The following AP1G1 variants were observed in gnomAD, a reference collection of about 807,000 sequenced individuals.
AP1G1 encodes the protein AP-1 complex subunit gamma-1.
Under a neutral mutation model 108.3 loss-of-function variants are expected in AP1G1, and 7 were observed. The ratio of observed to expected loss-of-function variants is 0.06; its 90% CI spans 0.04 to 0.12. The LOEUF is 0.12. Ranked by LOEUF, AP1G1 falls within the 10% of genes least tolerant of loss-of-function variation. The pLI, the probability that AP1G1 is intolerant of heterozygous loss-of-function variation, is 1.00. For synonymous variants in AP1G1, 379 were observed against 353.5 expected (o/e 1.07, Z -0.81); for missense variants, 756 against 1,010.7 (o/e 0.75, Z 3.42).
intron 12 of AP1G1, among the ~76,000 whole-genome samples, chr16:71,755,790 C>T (rs988374561): frequency 2.6e-5 from 4 of 151,960 alleles, no homozygotes; most frequent in Non-Finnish European, 4.4e-5. Context: ...GGACTACAGG[C>T]GCGTGCCACC....
At chr16:71,753,777 G>T in intron 13 of AP1G1, 56 bp downstream of exon 13, 1 of 1,475,872 alleles carries the variant, frequency 6.8e-7, no homozygotes, top group Non-Finnish European at 9.5e-7. Flanking sequence ...TAAACTTCAT[G>T]ATAACATCAG....
At chr16:71,769,166 C>T (rs1411744315) in intron 6 of AP1G1, among the ~76,000 whole-genome samples, 1 of 151,338 alleles carries the variant, frequency 6.6e-6, no homozygotes, top group East Asian at 1.9e-4. Flanking sequence ...ACCTGTAATC[C>T]CAGCTACAAG....
intron 21 of AP1G1, among the ~76,000 whole-genome samples, chr16:71,734,923 C>G (rs528864798): frequency 5.9e-4 from 90 of 152,210 alleles, no homozygotes; most frequent in Non-Finnish European, 1.1e-3. Flanking sequence ...GTTCTTTGAT[C>G]ATGACAACTA....
At chr16:71,769,515 T>C (rs780969538) in intron 6 of AP1G1, 108 bp downstream of exon 6, 140 of 1,085,538 alleles carry the variant, frequency 1.3e-4, no homozygotes, top group Admixed American at 1.7e-4. Context: ...AAATCCCTTA[T>C]TCAGATCCAT....
intron 9 of AP1G1, among the ~76,000 whole-genome samples, chr16:71,762,232 TAAATG>T (rs878875191): frequency 1.3e-5 from 2 of 152,060 alleles, no homozygotes; most frequent in Admixed American, 1.3e-4. Flanking sequence ...GACATTATGT[TAAATG>T]AAATAAGATA....
At position 71,749,836 on chromosome 16, in the gene AP1G1, C is replaced by T. The variant is rs79137873; in HGVS notation, c.1497+58G>A. The T allele has an allele frequency of 1.3e-3, 1,784 of 1,410,528 alleles. 18 individuals are homozygous for T. The African/African-American group carries it at 0.023, about 18-fold the overall frequency. 87.4% of individuals were successfully genotyped at this position (1,410,528 alleles called of 1,614,324 possible). On this transcript the variant is annotated intron_variant, in intron 15 of 22. Coordinates refer to ENST00000299980, the MANE Select transcript of AP1G1 (RefSeq NM_001128.6). The stretch of plus-strand genomic sequence containing the variant: ...AACCTCAACTCCCCATTAAACACTA[C>T]TCTCCTATAACCAAAACCACTATTT...
chr16:71,775,429 G>A (rs1357478208), intron 2 of AP1G1, among the ~76,000 whole-genome samples: 1 of 152,140 alleles, frequency 6.6e-6, no homozygotes, highest in African/African-American at 2.4e-5. Flanking sequence ...AAGGCCCCAT[G>A]ATATTTGCCA....
intron 6 of AP1G1, among the ~76,000 whole-genome samples, chr16:71,765,995 G>T (rs2031296930): frequency 6.6e-6 from 1 of 152,046 alleles, no homozygotes; most frequent in South Asian, 2.1e-4. Flanking sequence ...ATGTCATCAT[G>T]CCAAAATACA....
At chr16:71,776,809 A>C (rs374567819) in intron 2 of AP1G1, among the ~76,000 whole-genome samples, 17 of 152,128 alleles carry the variant, frequency 1.1e-4, no homozygotes, top group Admixed American at 9.2e-4. Flanking sequence ...TTTCTTATTA[A>C]ACTATACAAA....
chr16:71,766,339 T>C lies in AP1G1; in HGVS notation c.643-755A>G, dbSNP rs145805825. The C allele has an allele frequency of 9.2e-4, 354 of 384,748 alleles. 3 individuals are homozygous for C. Among genetic ancestry groups the C allele is most frequent in the African/African-American group, 6.9e-3 (323 of 47,134 alleles). 23.8% of individuals were successfully genotyped at this position (384,748 alleles called of 1,614,324 possible). A position where few individuals can be genotyped will look rare whatever the true frequency, so the allele number is the denominator to read the frequency against. ...CTATACATTCCTTATAATCAGGAAT[T>C]TCCTTCCTATCCTTCCTTTACTTTA... On this transcript the variant is annotated intron_variant, in intron 6 of 22. Coordinates refer to ENST00000299980, the MANE Select transcript of AP1G1 (RefSeq NM_001128.6).
At chr16:71,773,417 T>A in intron 3 of AP1G1, 55 bp from the exon 4 acceptor site, 1 of 1,455,544 alleles carries the variant, frequency 6.9e-7, no homozygotes, top group South Asian at 1.6e-5. Flanking sequence ...AAGAAGCAGC[T>A]TCACAATTTC....
chr16:71,797,849 T>C (rs1341274265), intron 1 of AP1G1, among the ~76,000 whole-genome samples: 1 of 152,124 alleles, frequency 6.6e-6, no homozygotes, highest in Non-Finnish European at 1.5e-5. Flanking sequence ...CCTAGCATAT[T>C]CTTCATGAAT....
intron 2 of AP1G1, among the ~76,000 whole-genome samples, chr16:71,780,490 CTTAAT>C: frequency 1.7e-5 from 2 of 116,054 alleles, no homozygotes; most frequent in African/African-American, 7.3e-5. Context: ...GATCCTGTCT[CTTAAT>C]TTAAAAAAAA....
intron 7 of AP1G1, among the ~76,000 whole-genome samples, chr16:71,765,191 T>C (rs1406035358): frequency 1.3e-5 from 2 of 152,062 alleles, no homozygotes; most frequent in Non-Finnish European, 2.9e-5. Context: ...ATATACAAAA[T>C]GAGCCGGGCA....
chr16:71,771,512 C>A (rs1369325059), intron 4 of AP1G1, among the ~76,000 whole-genome samples: 4 of 152,064 alleles, frequency 2.6e-5, no homozygotes, highest in African/African-American at 4.8e-5. Flanking sequence ...ACAGTAAGAA[C>A]CTGCCTCTAT....
At chr16:71,738,460 A>G (rs2045577454) in intron 21 of AP1G1, among the ~76,000 whole-genome samples, 1 of 152,218 alleles carries the variant, frequency 6.6e-6, no homozygotes, top group South Asian at 2.1e-4. Context: ...TATCTATAAT[A>G]AATTGGATGT....
At chr16:71,756,804 T>C (rs896761484) in intron 11 of AP1G1, among the ~76,000 whole-genome samples, 2 of 151,624 alleles carry the variant, frequency 1.3e-5, no homozygotes, top group African/African-American at 4.9e-5. Context: ...TAGCCGGGCA[T>C]GGTGGTGGGC....
chr16:71,756,297 G>T, intron 11 of AP1G1, 138 bp from the exon 12 acceptor site: 1 of 651,542 alleles, frequency 1.5e-6, no homozygotes, highest in Non-Finnish European at 2.4e-6. Context: ...CCCAATCTTT[G>T]CACACGAAAT....
In AP1G1 at chr16:71,743,817, G is replaced by A. The variant is rs1011590600; in HGVS notation, c.1999+1327C>T. On this transcript the variant is annotated intron_variant, in intron 19 of 22. Coordinates refer to ENST00000299980, the MANE Select transcript of AP1G1 (RefSeq NM_001128.6). Reference sequence around the variant, plus strand: ...AAAAATTAGCCAGGCGCAGTAGCAGGCGCCTGTAATCCCAGCTATTCAGGA... The same window carrying A: ...AAAAATTAGCCAGGCGCAGTAGCAGACGCCTGTAATCCCAGCTATTCAGGA... Among the ~76,000 whole-genome samples the A allele has an allele frequency of 3.4e-5, 5 of 145,756 alleles. No individual in the cohort carries two copies. In the South Asian group the frequency reaches 6.5e-4, roughly 19 times the overall value.
Sources: gnomAD v4.1 joint callset for allele counts (sites outside exome capture counted in the v4.1 genomes callset) on GRCh38, gnomAD v4.1.1 for gene constraint, MANE v1.5 for transcripts, NCBI Gene and HGNC (gene_info 2026-07-23, HGNC 2026-07-21) for gene names.